The following NINL variants were observed in gnomAD, a reference collection of about 807,000 sequenced individuals.
NINL encodes ninein-like protein.
NINL carries 153 observed loss-of-function variants against 160.3 expected under a neutral mutation model. That is an observed-to-expected ratio of 0.95 (90% confidence interval 0.84 to 1.09). The LOEUF is 1.09. Among genes scored for constraint, NINL ranks in the 50% least tolerant of loss-of-function variants. The pLI is 0.00. For missense variants in NINL, 1,829 were observed against 1,764.0 expected, an observed-to-expected ratio of 1.04 and a Z score of -0.66; for synonymous variants, 800 against 734.8, an observed-to-expected ratio of 1.09 and a Z score of -1.43.
chr20:25,479,070 T>A lies in NINL; in HGVS notation c.2054A>T (p.Lys685Met). The A allele has an allele frequency of 6.2e-7, 1 of 1,612,992 alleles. No individual in the cohort carries two copies. The highest frequency in any genetic ancestry group is 8.5e-7 in the Non-Finnish European group (1 of 1,180,032). Residue 685 changes from lysine to methionine, a missense_variant, in exon 16 of 24, where the codon AAG becomes ATG. Lys to Met is a moderately conservative substitution (Grantham distance 95). Transcript: ENST00000278886. ...QKADLEELHE[K>M]SQEVIWGLQE... Reference sequence around the variant, plus strand: ...CAGGCCCCAGATGACCTCCTGAGACTTCTCGTGGAGCTCCTCCAGGTCGGC... The same window carrying A: ...CAGGCCCCAGATGACCTCCTGAGACATCTCGTGGAGCTCCTCCAGGTCGGC...
intron 21 of NINL, among the ~76,000 whole-genome samples, chr20:25,460,212 G>A (rs1373052791): frequency 6.6e-6 from 1 of 152,208 alleles, no homozygotes; most frequent in East Asian, 1.9e-4. Context: ...ATCAGCTTCA[G>A]GCCCAGCCTC....
At chr20:25,532,421 C>A (rs1302207926) in intron 1 of NINL, among the ~76,000 whole-genome samples, 1 of 152,250 alleles carries the variant, frequency 6.6e-6, no homozygotes, top group East Asian at 1.9e-4. Flanking sequence ...CCTGTCTTTG[C>A]AGGCTCATGG....
At chr20:25,493,387 C>G (rs1445196773) in intron 10 of NINL, among the ~76,000 whole-genome samples, 1 of 152,066 alleles carries the variant, frequency 6.6e-6, no homozygotes, top group African/African-American at 2.4e-5. Context: ...ATAGGTGGAT[C>G]CCGATACTCA....
intron 7 of NINL, among the ~76,000 whole-genome samples, chr20:25,502,431 G>A (rs182793527): frequency 6.6e-6 from 1 of 152,228 alleles, no homozygotes; most frequent in East Asian, 1.9e-4. Context: ...CCATGCCCTG[G>A]TCTCCTCAAA....
At chr20:25,517,605 T>A in intron 3 of NINL, 148 bp downstream of exon 3, 1 of 616,968 alleles carries the variant, frequency 1.6e-6, no homozygotes, top group Non-Finnish European at 2.8e-6. Context: ...AAACATCAAG[T>A]GTTTTTTCCA....
At position 25,476,738 on chromosome 20, in the gene NINL, C is replaced by T. The variant is rs780316022; in HGVS notation, c.2553G>A (p.Pro851=). 7.5e-6 allele frequency: 12 copies of T among 1,606,596 alleles called. No individual in the cohort carries two copies. In the Admixed American group the frequency reaches 8.3e-5, roughly 11 times the overall value. Residue 851 remains proline, a synonymous_variant, in exon 17 of 24, where the codon CCG becomes CCA. Transcript: ENST00000278886. ...AGGCCAGTGGCCGCTCCCCACAGCC[C>T]GGACGCAGTGGTAGGAGGCCACGTG... ...EGTRGLLPLR[P]GCGERPLAWL...
intron 1 of NINL, among the ~76,000 whole-genome samples, chr20:25,574,080 C>A (rs1012395724): frequency 6.6e-6 from 1 of 152,156 alleles, no homozygotes; most frequent in Non-Finnish European, 1.5e-5. Context: ...CTGACGTCTG[C>A]GCTCAGAGCT....
chr20:25,479,284 A>T, intron 15 of NINL, 78 bp from the exon 16 acceptor site: 2 of 1,510,252 alleles, frequency 1.3e-6, no homozygotes, highest in Non-Finnish European at 1.8e-6. Context: ...CAGAAACACG[A>T]AGCTGCCTGG....
intron 1 of NINL, among the ~76,000 whole-genome samples, chr20:25,539,125 A>G (rs1051365491): frequency 5.3e-5 from 8 of 152,112 alleles, no homozygotes; most frequent in African/African-American, 1.7e-4. Flanking sequence ...CCAGTGTCCA[A>G]TTTCCCTGCA....
chr20:25,560,168 T>C (rs2064917933), intron 1 of NINL, among the ~76,000 whole-genome samples: 1 of 152,132 alleles, frequency 6.6e-6, no homozygotes, highest in African/African-American at 2.4e-5. Context: ...GGTCTCCAAC[T>C]CTTGGCCTTG....
chr20:25,469,364 C>T (rs1456001616), intron 18 of NINL, among the ~76,000 whole-genome samples: 8 of 135,286 alleles, frequency 5.9e-5, no homozygotes, highest in African/African-American at 9.5e-5. Context: ...CACTGGTGGC[C>T]GCCCTGCCCT....
At chr20:25,582,204 G>A (rs1015262235) in intron 1 of NINL, among the ~76,000 whole-genome samples, 2 of 152,108 alleles carry the variant, frequency 1.3e-5, no homozygotes, top group Middle Eastern at 3.2e-3. Flanking sequence ...GCAGTGAGCC[G>A]AGATCGCGCC....
intron 8 of NINL, chr20:25,499,073 C>T: frequency 1.0e-6 from 1 of 985,464 alleles, no homozygotes; most frequent in Non-Finnish European, 1.2e-6. Flanking sequence ...CGGCGGCAGG[C>T]ACCATGGCAG....
At chr20:25,548,960 C>A (rs1289736028) in intron 1 of NINL, among the ~76,000 whole-genome samples, 2 of 146,740 alleles carry the variant, frequency 1.4e-5, no homozygotes, top group Non-Finnish European at 3.0e-5. Context: ...CCAGGCCTGA[C>A]CCCAGCACCC....
In NINL at chr20:25,476,400, G is replaced by A. The variant is rs760971923; in HGVS notation, c.2891C>T (p.Pro964Leu). 5.0e-6 allele frequency: 8 copies of A among 1,584,574 alleles called. No homozygotes were observed. The Admixed American group carries it at 6.9e-5, about 14-fold the overall frequency. Residue 964 changes from proline to leucine, a missense_variant, in exon 17 of 24, where the codon CCG becomes CTG. Physicochemically the swap from Pro to Leu is moderately conservative, Grantham distance 98 (BLOSUM62 -3). Transcript: ENST00000278886. ...AGCCTGTCCCCTGCACGAAGCGGCC[G>A]GCCTCAGGGGTGGCTCCCACATCCG... ...QPRMWEPPLR[P>L]AASCRGQAER...
intron 1 of NINL, among the ~76,000 whole-genome samples, chr20:25,541,214 T>C (rs2064657241): frequency 6.6e-6 from 1 of 152,222 alleles, no homozygotes; most frequent in South Asian, 2.1e-4. Flanking sequence ...CTCTGTGGTC[T>C]TGGACACATT....
At chr20:25,536,952 T>C (rs1011843407) in intron 1 of NINL, among the ~76,000 whole-genome samples, 1 of 152,112 alleles carries the variant, frequency 6.6e-6, no homozygotes, top group Admixed American at 6.5e-5. Flanking sequence ...TATAAAACAG[T>C]ACAATTAGGA....
chr20:25,573,276 G>A (rs529369405), intron 1 of NINL, among the ~76,000 whole-genome samples: 5 of 148,904 alleles, frequency 3.4e-5, no homozygotes, highest in South Asian at 2.2e-4. Context: ...CAGCCTGGGC[G>A]CCAAGAGCAA....
At chr20:25,510,408 G>A (rs1266311898) in intron 5 of NINL, among the ~76,000 whole-genome samples, 2 of 152,250 alleles carry the variant, frequency 1.3e-5, no homozygotes, top group Non-Finnish European at 2.9e-5. Flanking sequence ...ACCATAAAGT[G>A]TGACGAACCA....
Sources: gnomAD v4.1 joint callset for allele counts (sites outside exome capture counted in the v4.1 genomes callset) on GRCh38, gnomAD v4.1.1 for gene constraint, MANE v1.5 for transcripts, NCBI Gene and HGNC (gene_info 2026-07-23, HGNC 2026-07-21) for gene names.